The following ERBB4 variants were observed in gnomAD, a reference collection of about 807,000 sequenced individuals.
ERBB4 encodes the protein erb-b2 receptor tyrosine kinase 4.
In ERBB4, 42 loss-of-function variants were observed where a neutral mutation model predicts 158.0. The observed-to-expected ratio is 0.27, with a 90% confidence interval of 0.21 to 0.34. The LOEUF (loss-of-function observed/expected upper bound fraction) is 0.34, where lower values mean the gene tolerates loss of function less well. Ranked by LOEUF, ERBB4 falls within the 10% of genes least tolerant of loss-of-function variation. ERBB4 has a pLI of 1.00. For missense variants in ERBB4, 1,333 were observed against 1,624.1 expected, an observed-to-expected ratio of 0.82 and a Z score of 3.08; for synonymous variants, 583 against 558.7, an observed-to-expected ratio of 1.04 and a Z score of -0.61.
chr2:211,387,288 G>A (rs2062707029), intron 26 of ERBB4, 138 bp from the exon 27 acceptor site: 1 of 738,928 alleles, frequency 1.4e-6, no homozygotes, highest in East Asian at 2.6e-5. Flanking sequence ...TTCCCCTAGT[G>A]GCTAATGGAG....
intron 3 of ERBB4, among the ~76,000 whole-genome samples, chr2:211,946,406 T>C (rs2080691570): frequency 6.6e-6 from 1 of 151,950 alleles, no homozygotes; most frequent in African/African-American, 2.4e-5. Flanking sequence ...ATCTCTAAAC[T>C]GCTTAATTTT....
chr2:211,581,188 G>C (rs189540116), intron 19 of ERBB4, among the ~76,000 whole-genome samples: 1,794 of 150,926 alleles, frequency 0.012, 17 homozygotes, highest in Non-Finnish European at 0.021. Context: ...AGGTGATGGG[G>C]GCACCAAAAT....
chr2:211,831,589 G>A (rs990583613), intron 3 of ERBB4, among the ~76,000 whole-genome samples: 1 of 152,082 alleles, frequency 6.6e-6, no homozygotes, highest in African/African-American at 2.4e-5. Context: ...TATTAAGTAT[G>A]ATTTAGTTAC....
intron 1 of ERBB4, among the ~76,000 whole-genome samples, chr2:212,424,752 G>A (rs1476105974): frequency 6.6e-6 from 1 of 151,798 alleles, no homozygotes. Flanking sequence ...TGGTGTAGAA[G>A]GGGAATGTTG....
chr2:212,353,345 TATA>T (rs1367887277), intron 1 of ERBB4, among the ~76,000 whole-genome samples: 7 of 150,504 alleles, frequency 4.7e-5, no homozygotes, highest in East Asian at 3.9e-4. Flanking sequence ...CAAATATGTA[TATA>T]ATATGTACAA....
rs34396660 is a variant in ERBB4, at chr2:212,064,988, GGTGTGTGTGTGT to G, written c.234+59752_234+59763del. On this transcript the variant is annotated intron_variant, in intron 2 of 27. Coordinates refer to ENST00000342788, the MANE Select transcript of ERBB4 (RefSeq NM_005235.3). ...TCCACCACCATAACAACATCTTTATGGTGTGTGTGTGTGTGTGTGTGTGTGTGTGTGTGTGTG... is the reference window on the plus strand; with the variant it reads ...TCCACCACCATAACAACATCTTTATGGTGTGTGTGTGTGTGTGTGTGTGTG... Among the ~76,000 whole-genome samples the G allele has an allele frequency of 1.4e-3, 202 of 143,386 alleles. 2 individuals are homozygous for G. Among genetic ancestry groups the G allele is most frequent in the African/African-American group, 4.6e-3 (178 of 38,670 alleles). 94.1% of individuals were successfully genotyped at this position (143,386 alleles called of 152,430 possible). A position where few individuals can be genotyped will look rare whatever the true frequency, so the allele number is the denominator to read the frequency against.
At position 212,419,361 on chromosome 2, in the gene ERBB4, G is replaced by T. The variant is rs200493947; in HGVS notation, c.82+119088C>A. Among the ~76,000 whole-genome samples the T allele has an allele frequency of 1.6e-4, 25 of 151,912 alleles. No homozygotes were observed. In the East Asian group the frequency reaches 4.6e-3, roughly 28 times the overall value. On this transcript the variant is annotated intron_variant, in intron 1 of 27. Transcript: ENST00000342788. ...ACAAACATATTAAATAGGAAAATTT[G>T]CAGACATCCATTAAATTGTGTATGT...
At position 212,464,532 on chromosome 2, in the gene ERBB4, AT is replaced by A. The variant is rs1292028798; in HGVS notation, c.82+73916del. Among the ~76,000 whole-genome samples the A allele has an allele frequency of 8.5e-5, 13 of 152,220 alleles. No individual in the cohort carries two copies. The East Asian group carries it at 2.5e-3, about 29-fold the overall frequency. On this transcript the variant is annotated intron_variant, in intron 1 of 27. Transcript: ENST00000342788. ...TGCCAGTTTAGCTGCCTGAGAACCA[AT>A]AAAGAATTTAATTTCCTATTCTCAT...
rs78915516 is a variant in ERBB4, at chr2:211,445,008, C to G, written c.2488-13908G>C. 2.2e-3 allele frequency among the ~76,000 whole-genome samples: 339 copies of G among 151,924 alleles called. 2 individuals carry two copies. The highest frequency in any genetic ancestry group is 7.7e-3 in the African/African-American group (319 of 41,444). On this transcript the variant is annotated intron_variant, in intron 20 of 27. Transcript: ENST00000342788. Reference sequence around the variant, plus strand: ...AACATTCTAGACATAATAAAAAGCACGTAAAAAGGATAGAGTTCTAAAAGG... The same window carrying G: ...AACATTCTAGACATAATAAAAAGCAGGTAAAAAGGATAGAGTTCTAAAAGG...
chr2:212,187,770 G>A (rs1315287729), intron 1 of ERBB4, among the ~76,000 whole-genome samples: 1 of 152,026 alleles, frequency 6.6e-6, no homozygotes, highest in African/African-American at 2.4e-5. Context: ...TAGAGGGTAG[G>A]AAATAATGAT....
At chr2:212,140,988 T>C (rs1486160040) in intron 1 of ERBB4, among the ~76,000 whole-genome samples, 4 of 151,724 alleles carry the variant, frequency 2.6e-5, no homozygotes, top group Non-Finnish European at 5.9e-5. Flanking sequence ...ATATTGTTTC[T>C]ATTTTACTAA....
chr2:212,392,744 C>A (rs1348760489), intron 1 of ERBB4, among the ~76,000 whole-genome samples: 1 of 151,984 alleles, frequency 6.6e-6, no homozygotes, highest in Non-Finnish European at 1.5e-5. Flanking sequence ...GTGCAATAAT[C>A]ACATATTGCT....
chr2:212,234,153 C>T (rs1279034074), intron 1 of ERBB4, among the ~76,000 whole-genome samples: 1 of 152,020 alleles, frequency 6.6e-6, no homozygotes, highest in Non-Finnish European at 1.5e-5. Flanking sequence ...CTCTGACAGG[C>T]CCTGTTGTGT....
chr2:212,373,205 A>G (rs2090147362), intron 1 of ERBB4, among the ~76,000 whole-genome samples: 1 of 152,164 alleles, frequency 6.6e-6, no homozygotes, highest in African/African-American at 2.4e-5. Flanking sequence ...AAGTAGCATT[A>G]TATTATCCAC....
intron 19 of ERBB4, among the ~76,000 whole-genome samples, chr2:211,587,193 CAAA>C (rs397806638): frequency 7.6e-6 from 1 of 132,058 alleles, no homozygotes; most frequent in Non-Finnish European, 1.7e-5. Context: ...TCTCTACTTA[CAAA>C]AAAAAAAAAA....
At chr2:211,717,077 C>G (rs972828013) in intron 7 of ERBB4, among the ~76,000 whole-genome samples, 1 of 152,130 alleles carries the variant, frequency 6.6e-6, no homozygotes, top group Non-Finnish European at 1.5e-5. Context: ...ACCCAACCCT[C>G]GGGCTTCAAC....
intron 20 of ERBB4, among the ~76,000 whole-genome samples, chr2:211,441,472 T>C (rs1045247560): frequency 1.3e-4 from 20 of 152,174 alleles, no homozygotes; most frequent in Non-Finnish European, 2.4e-4. Context: ...TGTAGCTCCC[T>C]GCCTCTAAGA....
At chr2:211,496,128 C>T (rs1162798702) in intron 20 of ERBB4, among the ~76,000 whole-genome samples, 1 of 152,032 alleles carries the variant, frequency 6.6e-6, no homozygotes, top group African/African-American at 2.4e-5. Flanking sequence ...GTGTCTTTTG[C>T]TGGTTCTTCC....
At chr2:211,535,737 G>A (rs2066632455) in intron 20 of ERBB4, 1 of 152,736 alleles carries the variant, frequency 6.5e-6, no homozygotes, top group Non-Finnish European at 1.5e-5. Context: ...GTACTTGGAT[G>A]GGAGAAGTGT....
Sources: allele counts gnomAD v4.1 joint callset (sites outside exome capture counted in the v4.1 genomes callset), GRCh38; gene constraint gnomAD v4.1.1; transcripts MANE v1.5; gene names NCBI Gene and HGNC (gene_info 2026-07-23, HGNC 2026-07-21).